Variants in CHD1L observed in about 807,000 individuals in gnomAD.
The protein encoded by CHD1L is ATP-dependent chromatin remodeler CHD1L.
Under a neutral mutation model 115.9 loss-of-function variants are expected in CHD1L, and 118 were observed. That is an observed-to-expected ratio of 1.02 (90% CI 0.88 to 1.19). The LOEUF (loss-of-function observed/expected upper bound fraction) is 1.19, where lower values mean the gene tolerates loss of function less well. CHD1L is among the 50% of genes most tolerant of loss of function. The pLI, the probability that CHD1L is intolerant of heterozygous loss-of-function variation, is 0.00. For missense variants in CHD1L, 1,179 were observed against 1,065.3 expected, an observed-to-expected ratio of 1.11 and a Z score of -1.49; for synonymous variants, 411 against 387.1, an observed-to-expected ratio of 1.06 and a Z score of -0.72.
intron 15 of CHD1L, among the ~76,000 whole-genome samples, chr1:147,280,934 T>G (rs147266742): frequency 6.6e-6 from 1 of 152,296 alleles, no homozygotes; most frequent in Non-Finnish European, 1.5e-5. Flanking sequence ...ACCAGTACTT[T>G]CTTTTAATTA....
In CHD1L at chr1:147,285,357, A is replaced by G. The variant is rs1553964700; in HGVS notation, c.1888A>G (p.Lys630Glu). ...LIPGLVEGST[K>E]RKRVLSPEEL... is the part of the protein sequence containing the mutation. ...CCCAGGCCTTGTGGAGGGATCTACC[A>G]AAAGGAAGCGGGTTCTGAGTCCAGA... The change falls in exon 17 of 23, where the codon AAA (lysine) becomes GAA (glutamate). Residue 630 changes from lysine to glutamate, a missense_variant. By Grantham distance (56) the Lys-to-Glu change is moderately conservative (BLOSUM62 1). Coordinates refer to ENST00000369258, the MANE Select transcript of CHD1L (RefSeq NM_004284.6). 3 of 1,614,008 alleles carry G rather than the reference A, an allele frequency of 1.9e-6. No individual in the cohort carries two copies. Among genetic ancestry groups the G allele is most frequent in the Admixed American group, 1.7e-5 (1 of 60,002 alleles).
intron 6 of CHD1L, among the ~76,000 whole-genome samples, chr1:147,261,412 T>TA (rs1553119575): frequency 1.4e-4 from 20 of 147,376 alleles, no homozygotes; most frequent in Non-Finnish European, 2.7e-4. Flanking sequence ...TTTTTTTTTT[T>TA]TATATATAAA....
the CHD1L span, among the ~76,000 whole-genome samples, chr1:147,222,394 A>G: frequency 6.6e-6 from 1 of 152,132 alleles, no homozygotes; most frequent in Non-Finnish European, 1.5e-5. Context: ...AGAGCAGGGG[A>G]TGGAAGTTGG....
chr1:147,277,158 T>A (rs782002036), intron 14 of CHD1L, among the ~76,000 whole-genome samples: 5 of 152,020 alleles, frequency 3.3e-5, no homozygotes, highest in African/African-American at 4.8e-5. Context: ...ATAAAGAGAA[T>A]TTAGGCTTTA....
intron 11 of CHD1L, among the ~76,000 whole-genome samples, chr1:147,271,325 G>A (rs1412778490): frequency 5.3e-5 from 8 of 152,158 alleles, no homozygotes; most frequent in African/African-American, 1.9e-4. Context: ...AGCTTTTAGC[G>A]TCTTGTAACA....
the CHD1L span, chr1:147,175,413 C>T: frequency 6.6e-6 from 1 of 152,140 alleles, no homozygotes; most frequent in Non-Finnish European, 1.5e-5. Context: ...GTAATACCCA[C>T]GTGTTGAAGG....
chr1:147,195,125 C>T, the CHD1L span, among the ~76,000 whole-genome samples: 1 of 152,212 alleles, frequency 6.6e-6, no homozygotes, highest in African/African-American at 2.4e-5. Context: ...TTCCATTCTC[C>T]CCGTCACTTT....
At chr1:147,196,734 C>G in the CHD1L span, among the ~76,000 whole-genome samples, 1 of 152,032 alleles carries the variant, frequency 6.6e-6, no homozygotes, top group African/African-American at 2.4e-5. Context: ...TTTCTTATCT[C>G]CCTCCATGTC....
the CHD1L span, chr1:147,212,457 A>G: frequency 6.2e-7 from 1 of 1,614,008 alleles, no homozygotes; most frequent in Admixed American, 1.7e-5. Context: ...GCCAATTATA[A>G]TGACTCTCTT....
At chr1:147,213,517 T>C in the CHD1L span, 2 of 1,515,396 alleles carry the variant, frequency 1.3e-6, no homozygotes, top group East Asian at 2.3e-5. Context: ...GACATGACTC[T>C]CCTTGCATAG....
At chr1:147,284,791 A>C (rs1682421961) in intron 16 of CHD1L, among the ~76,000 whole-genome samples, 1 of 152,182 alleles carries the variant, frequency 6.6e-6, no homozygotes, top group Non-Finnish European at 1.5e-5. Flanking sequence ...AAAATACCAT[A>C]TCCTGCTGTT....
the CHD1L span, among the ~76,000 whole-genome samples, chr1:147,191,791 T>C: frequency 2.0e-5 from 3 of 152,144 alleles, no homozygotes; most frequent in African/African-American, 7.3e-5. Flanking sequence ...TTCTTGTTTT[T>C]GTCAGGTTTG....
intron 10 of CHD1L, among the ~76,000 whole-genome samples, chr1:147,270,543 G>T (rs1553952180): frequency 6.0e-5 from 9 of 150,792 alleles, no homozygotes. Context: ...GTGTGTATTT[G>T]AATTTTGCAT....
chr1:147,233,964 C>T, the CHD1L span, among the ~76,000 whole-genome samples: 12 of 152,248 alleles, frequency 7.9e-5, no homozygotes, highest in South Asian at 1.0e-3. Flanking sequence ...CTGCGGAAGG[C>T]GGCAGGGCCC....
chr1:147,257,361 G>A lies in CHD1L; in HGVS notation c.494+799G>A, dbSNP rs1354520079. 1.5e-4 allele frequency among the ~76,000 whole-genome samples: 22 copies of A among 151,626 alleles called. 1 individual carries two copies. The highest frequency in any genetic ancestry group is 4.4e-5 in the Non-Finnish European group (3 of 67,936). On this transcript the variant is annotated intron_variant, in intron 5 of 22. Transcript: ENST00000369258. Reference sequence around the variant, plus strand: ...TTCATGTTATTTTGAAATACTAGAGGCTAGGTCATAGATTTCATGACTTCT... The same window carrying A: ...TTCATGTTATTTTGAAATACTAGAGACTAGGTCATAGATTTCATGACTTCT...
chr1:147,225,343 A>T, the CHD1L span: 1 of 342,024 alleles, frequency 2.9e-6, no homozygotes, highest in Admixed American at 4.2e-5. Context: ...GAGACTCAAC[A>T]GGCGGCTGTT....
chr1:147,246,509 T>A (rs1381549738), intron 1 of CHD1L, among the ~76,000 whole-genome samples: 1 of 152,244 alleles, frequency 6.6e-6, no homozygotes, highest in African/African-American at 2.4e-5. Flanking sequence ...TGTACTATTT[T>A]ACATTCCCAC....
At chr1:147,216,183 T>C in the CHD1L span, among the ~76,000 whole-genome samples, 1 of 152,168 alleles carries the variant, frequency 6.6e-6, no homozygotes, top group Non-Finnish European at 1.5e-5. Flanking sequence ...AAGTCATAAG[T>C]AGCCTTGCGG....
chr1:147,245,094 ATTAC>A (rs1666161557), intron 1 of CHD1L, among the ~76,000 whole-genome samples: 1 of 152,146 alleles, frequency 6.6e-6, no homozygotes, highest in Non-Finnish European at 1.5e-5. Flanking sequence ...ATGCAGACCT[ATTAC>A]TTCTTGCTGT....
Sources: allele counts gnomAD v4.1 joint callset (sites outside exome capture counted in the v4.1 genomes callset), GRCh38; gene constraint gnomAD v4.1.1; transcripts MANE v1.5; gene names NCBI Gene and HGNC (gene_info 2026-07-23, HGNC 2026-07-21).